RBBP8: variants seen among roughly 807,000 people sequenced by gnomAD.
The protein encoded by RBBP8 is RB binding protein 8, endonuclease, also known as DNA endonuclease RBBP8.
A neutral mutation model predicts 108.3 loss-of-function variants in RBBP8; 88 were observed. The ratio of observed to expected loss-of-function variants is 0.81; its 90% CI spans 0.68 to 0.97. The LOEUF (loss-of-function observed/expected upper bound fraction) is 0.97, where lower values mean the gene tolerates loss of function less well. Ranked by LOEUF, RBBP8 falls within the 50% of genes least tolerant of loss-of-function variation. The pLI, the probability that RBBP8 is intolerant of heterozygous loss-of-function variation, is 0.00. For missense variants in RBBP8, 1,023 were observed against 1,049.0 expected (o/e 0.98, Z 0.34); for synonymous variants, 332 against 348.2 (o/e 0.95, Z 0.52).
In RBBP8 at chr18:22,993,209, C is replaced by G. The variant is rs1915821622; in HGVS notation, c.1382C>G (p.Pro461Arg). 6.2e-7 allele frequency: 1 copy of G among 1,614,024 alleles called. No individual in the cohort carries two copies. Among genetic ancestry groups the G allele is most frequent in the Admixed American group, 1.7e-5 (1 of 59,998 alleles). ...EEESEHEVSC[P>R]QASFDKENAF... is the part of the protein sequence containing the mutation. ...GAAAGTGAACATGAAGTAAGCTGCC[C>G]CCAAGCTTCTTTTGATAAAGAAAAT... The change falls in exon 11 of 19, where the codon CCC becomes CGC. Residue 461 changes from proline (P) to arginine (R), a missense_variant. Coordinates refer to ENST00000327155, the MANE Select transcript of RBBP8 (RefSeq NM_002894.3).
upstream of RBBP8, among the ~76,000 whole-genome samples, chr18:22,931,183 G>A (rs1910010568): frequency 6.6e-6 from 1 of 152,142 alleles, no homozygotes; most frequent in Admixed American, 6.5e-5. Context: ...AGAGACTATT[G>A]AAATAAGATA....
intron 4 of RBBP8, among the ~76,000 whole-genome samples, chr18:22,968,307 A>G (rs1913796359): frequency 6.6e-6 from 1 of 151,600 alleles, no homozygotes; most frequent in Admixed American, 6.6e-5. Context: ...TCCTGACCTC[A>G]TGATCCTGTC....
At chr18:22,957,145 GTT>G (rs1912628974) in intron 4 of RBBP8, among the ~76,000 whole-genome samples, 1 of 152,130 alleles carries the variant, frequency 6.6e-6, no homozygotes, top group Admixed American at 6.5e-5. Flanking sequence ...TTGTGTTGCT[GTT>G]ATTCATAGAT....
At chr18:22,927,093 G>C (rs1909817452) in intron 3 of RBBP8, among the ~76,000 whole-genome samples, 1 of 152,158 alleles carries the variant, frequency 6.6e-6, no homozygotes, top group South Asian at 2.1e-4. Context: ...CACAAATGTT[G>C]CCAGTTAAGA....
At chr18:23,006,531 T>A in intron 16 of RBBP8, 99 bp downstream of exon 16, 7 of 1,034,922 alleles carry the variant, frequency 6.8e-6, no homozygotes, top group Non-Finnish European at 1.0e-5. Flanking sequence ...AGACAGAGTC[T>A]TGCTCTGTCA....
intron 18 of RBBP8, among the ~76,000 whole-genome samples, chr18:23,022,663 T>TAAA (rs368137173): frequency 1.0e-4 from 10 of 99,800 alleles, no homozygotes; most frequent in African/African-American, 2.1e-4. Flanking sequence ...TAAAATAAAA[T>TAAA]AAAATAAATA....
intron 12 of RBBP8, 106 bp downstream of exon 12, chr18:22,993,953 C>T: frequency 8.6e-7 from 1 of 1,158,608 alleles, no homozygotes; most frequent in Non-Finnish European, 1.2e-6. Context: ...AAACTTATTT[C>T]TTCCTTCAGG....
intron 2 of RBBP8, among the ~76,000 whole-genome samples, chr18:22,943,922 C>T (rs998575822): frequency 6.6e-6 from 1 of 152,086 alleles, no homozygotes; most frequent in African/African-American, 2.4e-5. Context: ...GTTTCATTTC[C>T]TCCAAAATTT....
At chr18:22,937,108 G>A (rs1159939299) in intron 2 of RBBP8, 148 bp downstream of exon 2, 1 of 1,440,668 alleles carries the variant, frequency 6.9e-7, no homozygotes, top group Admixed American at 2.1e-5. Flanking sequence ...TGGATAGATT[G>A]CATGTTGCTG....
chr18:22,955,582 T>C (rs1912451535), intron 4 of RBBP8, among the ~76,000 whole-genome samples: 1 of 148,848 alleles, frequency 6.7e-6, no homozygotes, highest in Non-Finnish European at 1.5e-5. Context: ...TTTATATCTT[T>C]TTTTTTTTTT....
intron 16 of RBBP8, among the ~76,000 whole-genome samples, chr18:23,013,918 G>T (rs1282064662): frequency 6.6e-6 from 1 of 152,176 alleles, no homozygotes; most frequent in African/African-American, 2.4e-5. Context: ...TTTTGCAAAG[G>T]TGACCTCAAT....
chr18:22,944,725 G>C (rs567376807), intron 2 of RBBP8, among the ~76,000 whole-genome samples: 1 of 152,200 alleles, frequency 6.6e-6, no homozygotes, highest in African/African-American at 2.4e-5. Context: ...TTTTCTAAAG[G>C]TGAAATTTGA....
chr18:22,925,798 C>T (rs1909770604), intron 3 of RBBP8, among the ~76,000 whole-genome samples: 1 of 152,170 alleles, frequency 6.6e-6, no homozygotes, highest in South Asian at 2.1e-4. Context: ...ACTCCCACAG[C>T]TTGTATCATG....
intron 14 of RBBP8, among the ~76,000 whole-genome samples, chr18:22,999,899 C>T (rs1882404487): frequency 6.6e-6 from 1 of 152,192 alleles, no homozygotes; most frequent in South Asian, 2.1e-4. Context: ...GCTTTACAAA[C>T]AGCATACACA....
chr18:22,927,828 G>C (rs1459829943), intron 3 of RBBP8, among the ~76,000 whole-genome samples: 1 of 152,018 alleles, frequency 6.6e-6, no homozygotes, highest in Non-Finnish European at 1.5e-5. Flanking sequence ...CCAGGAGGCA[G>C]AGGTTGCAGT....
intron 12 of RBBP8, among the ~76,000 whole-genome samples, chr18:22,995,189 G>GT (rs1219844282): frequency 6.6e-6 from 1 of 151,846 alleles, no homozygotes; most frequent in Non-Finnish European, 1.5e-5. Context: ...TCCAGTGAGT[G>GT]TTTTAGTCTC....
chr18:22,963,386 C>T (rs1913283482), intron 4 of RBBP8, among the ~76,000 whole-genome samples: 1 of 152,030 alleles, frequency 6.6e-6, no homozygotes, highest in African/African-American at 2.4e-5. Flanking sequence ...AATTTTTCTT[C>T]CTATGCAAAT....
At chr18:23,010,754 A>C (rs1260902456) in intron 16 of RBBP8, among the ~76,000 whole-genome samples, 2 of 144,780 alleles carry the variant, frequency 1.4e-5, no homozygotes, top group East Asian at 3.9e-4. Flanking sequence ...TGGAGATGCT[A>C]GAATTCTCAG....
In RBBP8 at chr18:23,026,286, T is replaced by C. The variant is rs1293250277; in HGVS notation, c.*46T>C. ...GGATGAAGGACAGTTTTTTCCTTCT[T>C]AGTTATTTATAGTTAAAGTTGGTAC... On this transcript the variant is annotated 3_prime_UTR_variant, in exon 19 of 19. Transcript: ENST00000327155. 6.9e-7 allele frequency: 1 copy of C among 1,440,832 alleles called. No individual in the cohort carries two copies. The highest frequency in any genetic ancestry group is 1.4e-5 in the African/African-American group (1 of 71,636). The allele number at this position is 1,440,832 out of a possible 1,614,324, so 89.3% of individuals were successfully genotyped here.
Sources: allele counts gnomAD v4.1 joint callset (sites outside exome capture counted in the v4.1 genomes callset), GRCh38; gene constraint gnomAD v4.1.1; transcripts MANE v1.5; gene names NCBI Gene and HGNC (gene_info 2026-07-23, HGNC 2026-07-21).